The following GRID1 variants were observed in gnomAD, a reference collection of about 807,000 sequenced individuals.
The protein encoded by GRID1 is glutamate receptor ionotropic, delta-1.
In GRID1, 28 loss-of-function variants were observed where a neutral mutation model predicts 98.0. The ratio of observed to expected loss-of-function variants is 0.29; its 90% CI spans 0.21 to 0.39. The LOEUF (loss-of-function observed/expected upper bound fraction) is 0.39, where lower values mean the gene tolerates loss of function less well. GRID1 is among the 10% of genes least tolerant of loss of function. The pLI, the probability that GRID1 is intolerant of heterozygous loss-of-function variation, is 1.00. For missense variants in GRID1, 1,111 were observed against 1,340.5 expected (o/e 0.83, Z 2.67); for synonymous variants, 553 against 538.5 (o/e 1.03, Z -0.37).
chr10:85,637,969 A>G (rs1473299700), intron 13 of GRID1, among the ~76,000 whole-genome samples: 1 of 152,224 alleles, frequency 6.6e-6, no homozygotes, highest in Non-Finnish European at 1.5e-5. Flanking sequence ...TACACAACAT[A>G]TAAAAATTCA....
chr10:86,139,568 C>T (rs1359599318), intron 3 of GRID1, among the ~76,000 whole-genome samples: 1 of 152,222 alleles, frequency 6.6e-6, no homozygotes, highest in Non-Finnish European at 1.5e-5. Flanking sequence ...TCATGGCACC[C>T]CAGCCCTGAG....
intron 2 of GRID1, among the ~76,000 whole-genome samples, chr10:86,231,724 A>G (rs1401997702): frequency 6.6e-6 from 1 of 152,148 alleles, no homozygotes; most frequent in African/African-American, 2.4e-5. Flanking sequence ...ATTAACCACC[A>G]CAGGAGTCAT....
chr10:86,366,336 C>T lies in GRID1; in HGVS notation c.57G>A (p.Arg19=). The T allele has an allele frequency of 6.6e-7, 1 of 1,519,776 alleles. No individual in the cohort carries two copies. The allele number at this position is 1,519,776 out of a possible 1,614,324, so 94.1% of individuals were successfully genotyped here. A position where few individuals can be genotyped will look rare whatever the true frequency, so the allele number is the denominator to read the frequency against. ...TACCGATGTGGATGATGGAGTCGGC[C>T]CGCACCGACACGCACTGGCATATCC... is the stretch of plus-strand genomic sequence containing the variant. The part of the protein sequence containing the change: ...LPWICQCVSV[R]ADSIIHIGAI... The change falls in exon 1 of 16, where the codon CGG becomes CGA. Residue 19 remains arginine (R), a synonymous_variant. Transcript: ENST00000327946. This position sits in a 1 kb window ranked among gnomAD's most constrained non-coding sequence, Gnocchi z 4.1.
chr10:86,033,580 C>T (rs1843215708), intron 4 of GRID1, among the ~76,000 whole-genome samples: 1 of 152,232 alleles, frequency 6.6e-6, no homozygotes, highest in African/African-American at 2.4e-5. Context: ...GAAGTGTGGA[C>T]TATAAGACAG....
chr10:85,769,571 C>A (rs988222035), intron 8 of GRID1, among the ~76,000 whole-genome samples: 1 of 152,138 alleles, frequency 6.6e-6, no homozygotes, highest in African/African-American at 2.4e-5. Flanking sequence ...CTTTCCGAGT[C>A]AAAGAAAGGG....
intron 2 of GRID1, among the ~76,000 whole-genome samples, chr10:86,259,503 T>TGTATAA (rs58956884): frequency 0.82 from 123,946 of 151,768 alleles, 51,544 homozygotes; most frequent in Non-Finnish European, 0.88. Flanking sequence ...CATACGAGGT[T>TGTATAA]GTATATTAAT....
rs191752406 is a variant in GRID1 at position 85,734,882 on chromosome 10, G to A, written c.1234-5268C>T. The stretch of plus-strand genomic sequence containing the variant: ...CCAGTGGAATTTTTTTTATGTAAAT[G>A]AAGGCTTTAAATGGATCACCAGCCT... On this transcript the variant is annotated intron_variant, in intron 8 of 15. Transcript: ENST00000327946. 1.9e-3 allele frequency among the ~76,000 whole-genome samples: 295 copies of A among 152,298 alleles called. 2 individuals are homozygous for A. The highest frequency in any genetic ancestry group is 5.9e-3 in the African/African-American group (247 of 41,572).
chr10:86,080,429 G>A (rs182678807), intron 4 of GRID1, among the ~76,000 whole-genome samples: 229 of 17,106 alleles, frequency 0.013, no homozygotes, highest in Middle Eastern at 0.033. Context: ...GAGGGGAGGG[G>A]AGGGGAGGGG....
intron 5 of GRID1, among the ~76,000 whole-genome samples, chr10:85,891,614 C>A (rs2131809570): frequency 6.6e-6 from 1 of 152,250 alleles, no homozygotes; most frequent in African/African-American, 2.4e-5. Flanking sequence ...AGGGAAAGGA[C>A]CATCTGAAAG....
chr10:85,828,513 T>G (rs762387341), intron 8 of GRID1, among the ~76,000 whole-genome samples: 28 of 151,956 alleles, frequency 1.8e-4, no homozygotes, highest in Non-Finnish European at 3.2e-4. Flanking sequence ...GAGTTCATTA[T>G]TTCAAAGAAT....
intron 4 of GRID1, among the ~76,000 whole-genome samples, chr10:86,035,446 C>T (rs1448918812): frequency 1.3e-5 from 2 of 152,176 alleles, no homozygotes; most frequent in African/African-American, 2.4e-5. Flanking sequence ...ACTATGAAAG[C>T]ATGGATGGTA....
At chr10:85,987,646 A>C (rs1842629156) in intron 4 of GRID1, among the ~76,000 whole-genome samples, 1 of 147,272 alleles carries the variant, frequency 6.8e-6, no homozygotes, top group South Asian at 2.2e-4. Flanking sequence ...ACCCTGCTCT[A>C]CTCCAACATA....
chr10:85,824,265 G>A (rs1411030157), intron 8 of GRID1, among the ~76,000 whole-genome samples: 1 of 152,188 alleles, frequency 6.6e-6, no homozygotes, highest in Non-Finnish European at 1.5e-5. Flanking sequence ...AGACTGGAGT[G>A]CAGTGGTGCG....
intron 12 of GRID1, among the ~76,000 whole-genome samples, chr10:85,659,751 T>C (rs1454064734): frequency 6.6e-6 from 1 of 152,196 alleles, no homozygotes; most frequent in Non-Finnish European, 1.5e-5. Context: ...ATGAGTCTTG[T>C]CTGAGTTCAG....
chr10:86,226,037 C>A (rs1846337559), intron 2 of GRID1, among the ~76,000 whole-genome samples: 1 of 152,078 alleles, frequency 6.6e-6, no homozygotes, highest in African/African-American at 2.4e-5. Flanking sequence ...ATGAAGGTGA[C>A]AAGACCCTGC....
chr10:86,071,547 C>A (rs1239228716), intron 4 of GRID1, among the ~76,000 whole-genome samples: 1 of 152,248 alleles, frequency 6.6e-6, no homozygotes, highest in Non-Finnish European at 1.5e-5. Context: ...AAATCCAAGC[C>A]ATTGCCTTTT....
intron 4 of GRID1, among the ~76,000 whole-genome samples, chr10:86,105,632 C>T (rs1427785086): frequency 6.6e-6 from 1 of 152,218 alleles, no homozygotes; most frequent in Non-Finnish European, 1.5e-5. Context: ...CTTCATTCCC[C>T]ATTCAGCAAG....
At chr10:86,210,438 G>A (rs975670643) in intron 2 of GRID1, among the ~76,000 whole-genome samples, 2 of 152,218 alleles carry the variant, frequency 1.3e-5, no homozygotes, top group African/African-American at 4.8e-5. Flanking sequence ...AGCTACGAGA[G>A]CACTGACTTA....
intron 4 of GRID1, among the ~76,000 whole-genome samples, chr10:86,096,802 A>G (rs1844227271): frequency 6.6e-6 from 1 of 152,196 alleles, no homozygotes. Flanking sequence ...CTGGGACAAC[A>G]TTCTCCAGAA....
Sources: allele counts gnomAD v4.1 joint callset (sites outside exome capture counted in the v4.1 genomes callset), GRCh38; gene constraint gnomAD v4.1.1; non-coding constraint Gnocchi (gnomAD v3.1); transcripts MANE v1.5; gene names NCBI Gene and HGNC (gene_info 2026-07-23, HGNC 2026-07-21).